INPP5F: variants seen among roughly 807,000 people sequenced by gnomAD.
The protein encoded by INPP5F is phosphatidylinositide 4-phosphatase SAC2.
Under a neutral mutation model 137.2 loss-of-function variants are expected in INPP5F, and 97 were observed. The ratio of observed to expected loss-of-function variants is 0.71; its 90% CI spans 0.60 to 0.84. INPP5F has a LOEUF of 0.84. Among genes scored for constraint, INPP5F ranks in the 40% least tolerant of loss-of-function variants. The pLI, the probability that INPP5F is intolerant of heterozygous loss-of-function variation, is 0.00. For missense variants in INPP5F, 1,271 were observed against 1,371.9 expected (o/e 0.93, Z 1.16); for synonymous variants, 504 against 476.9 (o/e 1.06, Z -0.74).
intron 2 of INPP5F, among the ~76,000 whole-genome samples, chr10:119,771,847 T>TAC (rs1849347956): frequency 2.0e-4 from 1 of 4,892 alleles, no homozygotes; most frequent in Non-Finnish European, 3.9e-4. Context: ...AGTATGGAGA[T>TAC]ATATATATAT....
At chr10:119,791,740 T>C (rs754095352) in intron 4 of INPP5F, 95 bp downstream of exon 4, 191 of 1,354,334 alleles carry the variant, frequency 1.4e-4, no homozygotes, top group Non-Finnish European at 1.9e-4. Context: ...TTTAAACCAT[T>C]TGTTGTATTG....
intron 6 of INPP5F, among the ~76,000 whole-genome samples, chr10:119,795,038 ACCTC>A (rs1223352475): frequency 6.6e-5 from 7 of 106,128 alleles, no homozygotes; most frequent in Non-Finnish European, 1.1e-4. Flanking sequence ...TGACCCCCCC[ACCTC>A]CCTCCCGGAT....
chr10:119,828,761 T>G lies in INPP5F; in HGVS notation c.*981T>G, dbSNP rs1851874514. 2 of 152,384 alleles carry G rather than the reference T, an allele frequency of 1.3e-5. No homozygotes were observed. Among genetic ancestry groups the G allele is most frequent in the South Asian group, 4.1e-4 (2 of 4,824 alleles). The allele number at this position is 152,384 out of a possible 1,614,324, so 9.4% of individuals were successfully genotyped here. A position where few individuals can be genotyped will look rare whatever the true frequency, so the allele number is the denominator to read the frequency against. On this transcript the variant is annotated 3_prime_UTR_variant, in exon 20 of 20. Coordinates refer to ENST00000650623, the MANE Select transcript of INPP5F (RefSeq NM_014937.4). ...TGTGTTTCTAGCTACGCAGGAGGAT[T>G]GCTTGAGCCCATGAGATTGAGGCTG...
At chr10:119,776,848 T>C (rs1849539831) in intron 2 of INPP5F, among the ~76,000 whole-genome samples, 1 of 152,090 alleles carries the variant, frequency 6.6e-6, no homozygotes, top group Non-Finnish European at 1.5e-5. Context: ...ACTCCTGGGC[T>C]CAAATGATCC....
chr10:119,797,880 T>A (rs1381369784), intron 8 of INPP5F, among the ~76,000 whole-genome samples: 3 of 152,194 alleles, frequency 2.0e-5, no homozygotes. Flanking sequence ...ACCTCAGAGA[T>A]TTTAAATTGC....
chr10:119,777,608 T>G (rs1849568578), intron 2 of INPP5F, among the ~76,000 whole-genome samples: 1 of 152,222 alleles, frequency 6.6e-6, no homozygotes, highest in Non-Finnish European at 1.5e-5. Context: ...TTCTTTTTAT[T>G]CAACAAAATT....
intron 9 of INPP5F, chr10:119,799,463 A>G (rs1202228400): frequency 4.5e-6 from 1 of 222,272 alleles, no homozygotes; most frequent in African/African-American, 2.3e-5. Flanking sequence ...GGGAAGTCTC[A>G]ATATTAAATA....
intron 2 of INPP5F, among the ~76,000 whole-genome samples, chr10:119,775,042 C>A (rs1198631890): frequency 6.6e-6 from 1 of 152,036 alleles, no homozygotes; most frequent in Non-Finnish European, 1.5e-5. Context: ...AAATAGATAT[C>A]TACACGTCAT....
Position 119,762,975 on chromosome 10 carries a change from G to A in INPP5F, c.178+11819G>A, listed in dbSNP as rs554014793. Reference sequence around the variant, plus strand: ...CGTTTAAATATCATCTAACTCAGATGTGGGTGAGACTCAAGATATGATTCA... The same window carrying A: ...CGTTTAAATATCATCTAACTCAGATATGGGTGAGACTCAAGATATGATTCA... On this transcript the variant is annotated intron_variant, in intron 2 of 19. Coordinates refer to ENST00000650623, the MANE Select transcript of INPP5F (RefSeq NM_014937.4). 3.3e-5 allele frequency among the ~76,000 whole-genome samples: 5 copies of A among 152,294 alleles called. No homozygotes were observed. In the South Asian group the frequency reaches 1.0e-3, roughly 32 times the overall value.
In INPP5F at chr10:119,726,154, G is replaced by C; in HGVS notation, c.-109G>C. 1.7e-6 allele frequency: 1 copy of C among 572,530 alleles called. No homozygotes were observed. Among genetic ancestry groups the C allele is most frequent in the Non-Finnish European group, 2.6e-6 (1 of 379,814 alleles). The allele number at this position is 572,530 out of a possible 1,614,324, so 35.5% of individuals were successfully genotyped here. ...TCCCTCTGCCGCTGCTTCTCGGCGCGGTTCCTACCCGGCCGCTCCCCGAGG... is the reference window on the plus strand; with the variant it reads ...TCCCTCTGCCGCTGCTTCTCGGCGCCGTTCCTACCCGGCCGCTCCCCGAGG... On this transcript the variant is annotated 5_prime_UTR_variant, in exon 1 of 20. Coordinates refer to ENST00000650623, the MANE Select transcript of INPP5F (RefSeq NM_014937.4).
chr10:119,808,946 A>G (rs1253606999), intron 13 of INPP5F, among the ~76,000 whole-genome samples: 1 of 152,224 alleles, frequency 6.6e-6, no homozygotes, highest in East Asian at 1.9e-4. Context: ...GGTAAAGACC[A>G]GGTACAGTGG....
chr10:119,819,692 C>A (rs1851472031), intron 15 of INPP5F: 1 of 451,158 alleles, frequency 2.2e-6, no homozygotes, highest in East Asian at 3.5e-5. Flanking sequence ...CCGGTCTTGG[C>A]ATCTCATTAT....
At chr10:119,824,483 A>G (rs927259025) in intron 19 of INPP5F, among the ~76,000 whole-genome samples, 1 of 152,208 alleles carries the variant, frequency 6.6e-6, no homozygotes, top group Non-Finnish European at 1.5e-5. Flanking sequence ...AGGACACCAC[A>G]GAAGCCACGT....
chr10:119,811,982 C>G (rs767008892), intron 15 of INPP5F, 27 bp downstream of exon 15: 1 of 1,586,642 alleles, frequency 6.3e-7, no homozygotes, highest in Admixed American at 1.7e-5. Flanking sequence ...TCCAGGTGAC[C>G]AGCTTGCTTA....
At chr10:119,823,782 A>T in intron 18 of INPP5F, 33 bp from the exon 19 acceptor site, 1 of 1,542,510 alleles carries the variant, frequency 6.5e-7, no homozygotes, top group South Asian at 1.1e-5. Flanking sequence ...ATGTTTATGG[A>T]GAAATTGGCA....
Position 119,791,553 on chromosome 10 carries a change from G to T in INPP5F, c.352G>T (p.Glu118Ter). The T allele has an allele frequency of 6.2e-7, 1 of 1,603,524 alleles. No homozygotes were observed. Among genetic ancestry groups the T allele is most frequent in the Non-Finnish European group, 8.5e-7 (1 of 1,171,518 alleles). ...GCATCATTTTGGTATTAACAAACCA[G>T]AGAAGATCATACCATCTCCTGATGA... is the stretch of plus-strand genomic sequence containing the variant. ...KKHHFGINKP[E>*]KIIPSPDDSK... The change falls in exon 4 of 20, where the codon GAG (glutamate) becomes TAG (stop). Residue 118 changes from glutamate to a stop codon, truncating the protein, a stop_gained. Transcript: ENST00000650623. LOFTEE classifies it high-confidence loss of function.
intron 7 of INPP5F, 140 bp downstream of exon 7, chr10:119,797,053 A>C: frequency 2.4e-6 from 2 of 823,524 alleles, no homozygotes; most frequent in South Asian, 3.2e-5. Context: ...AAATACTGTG[A>C]TGTAATTGGG....
rs556674456 is a variant in INPP5F, at chr10:119,741,248, G to T, written c.98-9828G>T. Among the ~76,000 whole-genome samples the T allele has an allele frequency of 2.2e-4, 33 of 152,224 alleles. No homozygotes were observed. In the South Asian group the frequency reaches 6.4e-3, roughly 30 times the overall value. ...CTGTCACCTGGCTCTCTGGCTTCAG[G>T]CCCCTTCATGTTCATCCTCTACAGA... is the stretch of plus-strand genomic sequence containing the variant. On this transcript the variant is annotated intron_variant, in intron 1 of 19. Coordinates refer to ENST00000650623, the MANE Select transcript of INPP5F (RefSeq NM_014937.4).
At chr10:119,798,505 T>C (rs1276751633) in intron 8 of INPP5F, 38 bp from the exon 9 acceptor site, 10 of 1,473,854 alleles carry the variant, frequency 6.8e-6, no homozygotes, top group Non-Finnish European at 9.4e-6. Context: ...GTCTTAAACA[T>C]GGGAAGGAAA....
Sources: gnomAD v4.1 joint callset for allele counts (sites outside exome capture counted in the v4.1 genomes callset) on GRCh38, gnomAD v4.1.1 for gene constraint, MANE v1.5 for transcripts, NCBI Gene and HGNC (gene_info 2026-07-23, HGNC 2026-07-21) for gene names.